The following CCNB1IP1 variants were observed in gnomAD, a reference collection of about 807,000 sequenced individuals.
CCNB1IP1 encodes E3 ubiquitin-protein ligase CCNB1IP1.
Under a neutral mutation model 25.6 loss-of-function variants are expected in CCNB1IP1, and 14 were observed. The observed-to-expected ratio is 0.55, with a 90% CI of 0.36 to 0.85. The LOEUF (loss-of-function observed/expected upper bound fraction) is 0.85, where lower values mean the gene tolerates loss of function less well. Ranked by LOEUF, CCNB1IP1 falls within the 40% of genes least tolerant of loss-of-function variation. CCNB1IP1 has a pLI of 0.01. For synonymous variants in CCNB1IP1, 119 were observed against 116.1 expected (o/e 1.02, Z -0.16); for missense variants, 278 against 342.4 (o/e 0.81, Z 1.48).
intron 4 of CCNB1IP1, among the ~76,000 whole-genome samples, chr14:20,323,667 G>C (rs567672174): frequency 2.0e-5 from 3 of 151,974 alleles, no homozygotes; most frequent in Non-Finnish European, 2.9e-5. Flanking sequence ...GGTGGCTCAC[G>C]CCTATAATCC....
intron 5 of CCNB1IP1, among the ~76,000 whole-genome samples, chr14:20,315,205 A>C (rs899311449): frequency 6.0e-5 from 9 of 150,600 alleles, no homozygotes; most frequent in South Asian, 4.2e-4. Context: ...ATCATATGTC[A>C]TCAGAGACAT....
intron 4 of CCNB1IP1, among the ~76,000 whole-genome samples, chr14:20,322,709 A>C (rs1882935459): frequency 6.7e-6 from 1 of 148,698 alleles, no homozygotes; most frequent in South Asian, 2.1e-4. Flanking sequence ...TACAATCTCC[A>C]CCTCCCGGGT....
intron 2 of CCNB1IP1, among the ~76,000 whole-genome samples, chr14:20,327,411 C>T (rs1026846179): frequency 4.0e-5 from 6 of 151,632 alleles, no homozygotes; most frequent in Non-Finnish European, 8.8e-5. Flanking sequence ...AAAATCTTCC[C>T]TTTATATAGG....
chr14:20,315,707 TTA>T (rs1163991156), intron 5 of CCNB1IP1: 1 of 1,212,218 alleles, frequency 8.2e-7, no homozygotes, highest in South Asian at 1.3e-5. Flanking sequence ...TGGAAATAAA[TTA>T]TGATACAATA....
intron 4 of CCNB1IP1, 122 bp downstream of exon 4, chr14:20,325,417 T>A (rs1883044054): frequency 1.3e-5 from 1 of 74,574 alleles, no homozygotes; most frequent in Non-Finnish European, 2.5e-5. Context: ...CAAGACTCCG[T>A]CTCAAAAAAA....
At chr14:20,322,510 C>G (rs1882926230) in intron 4 of CCNB1IP1, among the ~76,000 whole-genome samples, 1 of 151,974 alleles carries the variant, frequency 6.6e-6, no homozygotes, top group Non-Finnish European at 1.5e-5. Context: ...CCACCTCTTA[C>G]ATTTTTGCAA....
intron 6 of CCNB1IP1, among the ~76,000 whole-genome samples, chr14:20,313,141 A>C (rs1455667768): frequency 6.6e-6 from 1 of 152,078 alleles, no homozygotes; most frequent in Non-Finnish European, 1.5e-5. Flanking sequence ...TATAAAACAC[A>C]ACAGTGCCTA....
chr14:20,320,671 G>A (rs977440622), intron 4 of CCNB1IP1, among the ~76,000 whole-genome samples: 1 of 151,752 alleles, frequency 6.6e-6, no homozygotes, highest in South Asian at 2.1e-4. Context: ...TGGATGTGGT[G>A]GCAGGCACCT....
chr14:20,317,263 G>A (rs189813065), intron 4 of CCNB1IP1, among the ~76,000 whole-genome samples: 8 of 151,580 alleles, frequency 5.3e-5, no homozygotes, highest in African/African-American at 1.7e-4. Flanking sequence ...AAAATTAGCT[G>A]GGTGTGGTGG....
At chr14:20,331,838 T>C (rs1055063668) in intron 1 of CCNB1IP1, among the ~76,000 whole-genome samples, 8 of 151,436 alleles carry the variant, frequency 5.3e-5, no homozygotes, top group Non-Finnish European at 8.8e-5. Flanking sequence ...AAGGGAAGGA[T>C]ACCTACACAT....
At chr14:20,320,533 A>G (rs1882857267) in intron 4 of CCNB1IP1, 1 of 322,254 alleles carries the variant, frequency 3.1e-6, no homozygotes, top group Non-Finnish European at 6.1e-6. Flanking sequence ...AAAACTACTC[A>G]GAATAACAAA....
chr14:20,326,149 G>C (rs1329405219), intron 3 of CCNB1IP1, among the ~76,000 whole-genome samples: 1 of 152,100 alleles, frequency 6.6e-6, no homozygotes, highest in East Asian at 1.9e-4. Flanking sequence ...TACATGTATA[G>C]ATTGATAAAA....
At chr14:20,316,107 TA>T in intron 5 of CCNB1IP1, 119 bp downstream of exon 5, 2 of 878,344 alleles carry the variant, frequency 2.3e-6, no homozygotes, top group Non-Finnish European at 3.3e-6. Flanking sequence ...AACAATTTAA[TA>T]AAAAGAGTTT....
chr14:20,322,247 A>G (rs1342939324), intron 4 of CCNB1IP1, among the ~76,000 whole-genome samples: 1 of 152,218 alleles, frequency 6.6e-6, no homozygotes, highest in African/African-American at 2.4e-5. Flanking sequence ...ACATATGCCA[A>G]GAATTCCTTT....
intron 2 of CCNB1IP1, among the ~76,000 whole-genome samples, chr14:20,327,210 A>C (rs890798893): frequency 1.2e-4 from 19 of 152,180 alleles, no homozygotes; most frequent in African/African-American, 4.3e-4. Context: ...AAAGGCTATA[A>C]AGGTCAACAA....
intron 5 of CCNB1IP1, chr14:20,315,411 G>T: frequency 1.1e-6 from 1 of 890,956 alleles, no homozygotes; most frequent in Non-Finnish European, 1.4e-6. Flanking sequence ...CACCACATAA[G>T]CCAGCAAAAA....
chr14:20,327,151 T>C (rs1179435158), intron 2 of CCNB1IP1, among the ~76,000 whole-genome samples: 2 of 152,070 alleles, frequency 1.3e-5, no homozygotes, highest in African/African-American at 4.8e-5. Context: ...TAATTTTGTA[T>C]AAATTTACAA....
chr14:20,332,871 C>T (rs1566408544), intron 1 of CCNB1IP1: 1 of 152,174 alleles, frequency 6.6e-6, no homozygotes, highest in Non-Finnish European at 1.5e-5. Flanking sequence ...CTGAGCTGAA[C>T]GCCTTCTCCC....
At chr14:20,326,593 G>A in intron 3 of CCNB1IP1, 123 bp downstream of exon 3, 1 of 499,072 alleles carries the variant, frequency 2.0e-6, no homozygotes, top group Non-Finnish European at 4.1e-6. Context: ...TTCTCCTAAG[G>A]TTAGAACTGG....
Sources: allele counts gnomAD v4.1 joint callset (sites outside exome capture counted in the v4.1 genomes callset), GRCh38; gene constraint gnomAD v4.1.1; transcripts MANE v1.5; gene names NCBI Gene and HGNC (gene_info 2026-07-23, HGNC 2026-07-21).